Variants in POU2F3 observed in about 807,000 individuals in gnomAD.
POU2F3 encodes the protein POU domain, class 2, transcription factor 3.
POU2F3 carries 23 observed loss-of-function variants against 59.2 expected under a neutral mutation model. That is an observed-to-expected ratio of 0.39 (90% confidence interval 0.28 to 0.55). The LOEUF (loss-of-function observed/expected upper bound fraction) is 0.55. Ranked by LOEUF, POU2F3 falls within the 20% of genes least tolerant of loss-of-function variation. The probability of loss-of-function intolerance (pLI) is 0.66; values close to 1 mark genes in which losing one functional copy is unlikely to be tolerated. For missense variants in POU2F3, 473 were observed against 544.5 expected, an observed-to-expected ratio of 0.87 and a Z score of 1.31; for synonymous variants, 190 against 214.6, an observed-to-expected ratio of 0.89 and a Z score of 1.00.
intron 3 of POU2F3, among the ~76,000 whole-genome samples, chr11:120,290,688 G>C (rs1435821089): frequency 6.6e-6 from 1 of 152,166 alleles, no homozygotes; most frequent in African/African-American, 2.4e-5. Flanking sequence ...AATAAATGAT[G>C]GTATATTTGA....
rs552123577 is a variant in POU2F3 at position 120,265,682 on chromosome 11, C to A, written c.98-3528C>A. 2.6e-5 allele frequency among the ~76,000 whole-genome samples: 4 copies of A among 152,332 alleles called. No individual in the cohort carries two copies. In the East Asian group the frequency reaches 7.7e-4, roughly 29 times the overall value. On this transcript the variant is annotated intron_variant, in intron 2 of 12. Transcript: ENST00000543440. ...ATGTTATGGGTCTCACTAACAACAT[C>A]ATAATGGCATTCACAGAAATCAAAA...
chr11:120,302,221 G>C, intron 5 of POU2F3, 65 bp from the exon 6 acceptor site: 1 of 1,407,122 alleles, frequency 7.1e-7, no homozygotes, highest in Non-Finnish European at 1.0e-6. Context: ...CAAAGTTGTA[G>C]CACATGTGTT....
intron 3 of POU2F3, among the ~76,000 whole-genome samples, chr11:120,293,810 C>T (rs1941110222): frequency 1.3e-5 from 2 of 152,162 alleles, no homozygotes; most frequent in African/African-American, 2.4e-5. Context: ...TCTCAGTGTA[C>T]GTCTGGGCCA....
chr11:120,289,943 C>A (rs1321790195), intron 3 of POU2F3, among the ~76,000 whole-genome samples: 2 of 152,222 alleles, frequency 1.3e-5, no homozygotes, highest in African/African-American at 4.8e-5. Flanking sequence ...TCCTATTCAT[C>A]TTTGTGTCCC....
chr11:120,305,837 G>A (rs775981244), intron 8 of POU2F3, 52 bp downstream of exon 8: 5 of 1,600,548 alleles, frequency 3.1e-6, no homozygotes, highest in African/African-American at 2.7e-5. Flanking sequence ...CTGCAGGGAA[G>A]GGCCAGTGAC....
intron 2 of POU2F3, among the ~76,000 whole-genome samples, chr11:120,252,210 T>C (rs199701009): frequency 1.6e-4 from 21 of 130,962 alleles, no homozygotes; most frequent in African/African-American, 1.9e-4. Context: ...GCTTTTCTTT[T>C]TTTTTTTTTT....
chr11:120,299,733 A>T lies in POU2F3; in HGVS notation c.361+7A>T, dbSNP rs202130809. 7 of 1,607,772 alleles carry T rather than the reference A, an allele frequency of 4.4e-6. No individual in the cohort carries two copies. The highest frequency in any genetic ancestry group is 5.9e-6 in the Non-Finnish European group (7 of 1,178,144). On this transcript the variant is annotated splice_region_variant and intron_variant, in intron 5 of 12. Coordinates refer to ENST00000543440, the MANE Select transcript of POU2F3 (RefSeq NM_014352.4). ...ACCCAGCCTGGGCAGCAAGGTAAGA[A>T]CCCTGGGGGTTTCCACCTAGACCAA...
chr11:120,293,307 A>C (rs955785169), intron 3 of POU2F3, among the ~76,000 whole-genome samples: 1 of 152,242 alleles, frequency 6.6e-6, no homozygotes, highest in African/African-American at 2.4e-5. Flanking sequence ...GCTAAGAGCC[A>C]TGGAGATGGG....
At chr11:120,307,894 C>T (rs936616219) in intron 9 of POU2F3, among the ~76,000 whole-genome samples, 1 of 152,188 alleles carries the variant, frequency 6.6e-6, no homozygotes, top group African/African-American at 2.4e-5. Flanking sequence ...AAAGAATGGG[C>T]TATAGGGTCC....
chr11:120,273,594 AC>A (rs1940172802), intron 3 of POU2F3, among the ~76,000 whole-genome samples: 1 of 152,214 alleles, frequency 6.6e-6, no homozygotes, highest in Non-Finnish European at 1.5e-5. Context: ...AGTTTCATTT[AC>A]TAGAAGAGCA....
At chr11:120,316,164 G>A (rs867237202) in intron 11 of POU2F3, among the ~76,000 whole-genome samples, 4 of 152,030 alleles carry the variant, frequency 2.6e-5, no homozygotes, top group African/African-American at 7.2e-5. Context: ...GTGAGCCACC[G>A]CACTCAGCCC....
Position 120,285,768 on chromosome 11 carries a change from A to C in POU2F3, c.133-12497A>C, listed in dbSNP as rs1254248154. Among the ~76,000 whole-genome samples, 1 of 152,200 alleles carries C rather than the reference A, an allele frequency of 6.6e-6. No individual in the cohort carries two copies. Among genetic ancestry groups the C allele is most frequent in the Non-Finnish European group, 1.5e-5 (1 of 68,030 alleles). On this transcript the variant is annotated intron_variant, in intron 3 of 12. Transcript: ENST00000543440. The surrounding 1 kb of genome is among the most constrained non-coding windows in gnomAD (Gnocchi z 4.3). ...CACATATGTACAAATTATACCGTAT[A>C]TATTCTTTAGTGGCTTTTAAAATTT...
chr11:120,298,439 C>T, intron 4 of POU2F3, 49 bp downstream of exon 4: 1 of 1,601,782 alleles, frequency 6.2e-7, no homozygotes, highest in Non-Finnish European at 8.5e-7. Context: ...CCCAATCCCT[C>T]TGTGAAATGC....
At chr11:120,291,388 C>T (rs79399916) in intron 3 of POU2F3, among the ~76,000 whole-genome samples, 1,740 of 152,308 alleles carry the variant, frequency 0.011, 37 homozygotes, top group African/African-American at 0.039. Flanking sequence ...GTAGCTCTAG[C>T]TGTGTTTCCC....
chr11:120,301,452 A>G (rs1941345167), intron 5 of POU2F3: 3 of 188,200 alleles, frequency 1.6e-5, no homozygotes, highest in East Asian at 1.4e-4. Flanking sequence ...GAAGAGCATA[A>G]AGGTCAACAT....
At position 120,314,904 on chromosome 11, in the gene POU2F3, G is replaced by A. The variant is rs563385081; in HGVS notation, c.1069-457G>A. On this transcript the variant is annotated intron_variant, in intron 10 of 12. Transcript: ENST00000543440. ...CATCCATCACAGTGGGAAAGCCTGC[G>A]AGAGGCTGCTAGGCTGAGCAACCCT... 2.0e-4 allele frequency among the ~76,000 whole-genome samples: 31 copies of A among 152,304 alleles called. No homozygotes were observed. In the South Asian group the frequency reaches 6.2e-3, roughly 31 times the overall value.
Position 120,305,118 on chromosome 11 carries a change from G to A in POU2F3, c.533G>A (p.Ser178Asn). ...QHLPVPKHLP[S>N]SGGADEPSDL... ...CTCCCAGTGCCCAAGCATCTACCCAGCTCTGGAGGGGCCGATGAGCCCAGT... is the reference window on the plus strand; with the variant it reads ...CTCCCAGTGCCCAAGCATCTACCCAACTCTGGAGGGGCCGATGAGCCCAGT... Residue 178 changes from serine (S) to asparagine (N), a missense_variant, in exon 7 of 13, where the codon AGC becomes AAC. Transcript: ENST00000543440. 1 of 1,614,014 alleles carries A rather than the reference G, an allele frequency of 6.2e-7. No individual in the cohort carries two copies. The highest frequency in any genetic ancestry group is 8.5e-7 in the Non-Finnish European group (1 of 1,180,012).
chr11:120,296,845 C>T (rs760131574), intron 3 of POU2F3, among the ~76,000 whole-genome samples: 7 of 152,092 alleles, frequency 4.6e-5, no homozygotes, highest in Non-Finnish European at 7.4e-5. Flanking sequence ...AATAGTGTTG[C>T]GATGAACATA....
In POU2F3 at chr11:120,302,359, G is replaced by A. The variant is rs140710784; in HGVS notation, c.435G>A (p.Leu145=). 6.2e-7 allele frequency: 1 copy of A among 1,603,838 alleles called. No homozygotes were observed. The highest frequency in any genetic ancestry group is 1.3e-5 in the African/African-American group (1 of 74,786). ...GLLLPQTGPG[L]ASQAFGHPGL... ...TCCTCCCACAGACTGGGCCGGGACTGGCATCCCAGGTAAACAACCCCATTC... is the reference window on the plus strand; with the variant it reads ...TCCTCCCACAGACTGGGCCGGGACTAGCATCCCAGGTAAACAACCCCATTC... Residue 145 remains leucine (L), a synonymous_variant, in exon 6 of 13, where the codon CTG becomes CTA. Coordinates refer to ENST00000543440, the MANE Select transcript of POU2F3 (RefSeq NM_014352.4).
Sources: allele counts gnomAD v4.1 joint callset (sites outside exome capture counted in the v4.1 genomes callset), GRCh38; gene constraint gnomAD v4.1.1; non-coding constraint Gnocchi (gnomAD v3.1); transcripts MANE v1.5; gene names NCBI Gene and HGNC (gene_info 2026-07-23, HGNC 2026-07-21).